Variants in LUZP2 observed in about 807,000 individuals in gnomAD.
LUZP2 encodes leucine zipper protein 2.
In LUZP2, 52 loss-of-function variants were observed where a neutral mutation model predicts 51.6. The observed-to-expected ratio is 1.01, with a 90% CI of 0.81 to 1.27. The LOEUF (loss-of-function observed/expected upper bound fraction) is 1.27, where lower values mean the gene tolerates loss of function less well. Among genes scored for constraint, LUZP2 ranks in the 50% most tolerant of loss-of-function variants. The probability of loss-of-function intolerance (pLI) is 0.00; values close to 1 mark genes in which losing one functional copy is unlikely to be tolerated. For synonymous variants in LUZP2, 154 were observed against 137.3 expected (o/e 1.12, Z -0.85); for missense variants, 436 against 395.4 (o/e 1.10, Z -0.87).
intron 1 of LUZP2, among the ~76,000 whole-genome samples, chr11:24,616,705 G>A (rs1225094294): frequency 1.3e-5 from 2 of 152,088 alleles, no homozygotes; most frequent in Non-Finnish European, 2.9e-5. Context: ...TTATTACGTA[G>A]CTGTATATTA....
chr11:24,652,959 A>G (rs892043535), intron 1 of LUZP2, among the ~76,000 whole-genome samples: 1 of 152,196 alleles, frequency 6.6e-6, no homozygotes, highest in African/African-American at 2.4e-5. Context: ...TACAATAGAA[A>G]TACATGTTTA....
chr11:24,849,897 A>G (rs1370723417), intron 5 of LUZP2, among the ~76,000 whole-genome samples: 1 of 152,090 alleles, frequency 6.6e-6, no homozygotes, highest in Non-Finnish European at 1.5e-5. Flanking sequence ...CTTTTTCTTC[A>G]TACATTTGTT....
intron 1 of LUZP2, among the ~76,000 whole-genome samples, chr11:24,498,786 A>G (rs1849905500): frequency 1.3e-5 from 2 of 152,244 alleles, no homozygotes; most frequent in African/African-American, 4.8e-5. Context: ...TTCTAGAGAA[A>G]GGAAATTTTC....
intron 1 of LUZP2, among the ~76,000 whole-genome samples, chr11:24,688,528 C>G (rs921785802): frequency 2.0e-5 from 3 of 152,102 alleles, no homozygotes; most frequent in African/African-American, 7.2e-5. Context: ...ACAAGTAGAT[C>G]TCTGTCATAA....
At chr11:24,857,032 C>G (rs1851587217) in intron 5 of LUZP2, among the ~76,000 whole-genome samples, 2 of 151,822 alleles carry the variant, frequency 1.3e-5, no homozygotes, top group South Asian at 4.1e-4. Flanking sequence ...CTAGACCTCA[C>G]CACTATGCAA....
At chr11:24,723,397 T>A (rs1858352833) in intron 1 of LUZP2, among the ~76,000 whole-genome samples, 1 of 152,236 alleles carries the variant, frequency 6.6e-6, no homozygotes, top group Non-Finnish European at 1.5e-5. Flanking sequence ...TGTTTATATG[T>A]TAACCACAAA....
intron 1 of LUZP2, among the ~76,000 whole-genome samples, chr11:24,602,039 T>G (rs902234113): frequency 2.3e-4 from 33 of 143,870 alleles, no homozygotes; most frequent in Non-Finnish European, 4.5e-5. Context: ...TATATGTATA[T>G]CTGTATATAT....
intron 7 of LUZP2, among the ~76,000 whole-genome samples, chr11:24,928,671 G>A (rs1854351197): frequency 6.6e-6 from 1 of 151,998 alleles, no homozygotes; most frequent in Non-Finnish European, 1.5e-5. Context: ...GTTCATCAAG[G>A]ATTTTGGTGT....
intron 5 of LUZP2, among the ~76,000 whole-genome samples, chr11:24,789,152 T>C (rs1383761199): frequency 6.6e-6 from 1 of 152,202 alleles, no homozygotes; most frequent in African/African-American, 2.4e-5. Flanking sequence ...ATTAGTACGC[T>C]CTATGGACAA....
chr11:24,591,913 G>A (rs888615587), intron 1 of LUZP2, among the ~76,000 whole-genome samples: 1 of 116,190 alleles, frequency 8.6e-6, no homozygotes, highest in African/African-American at 3.1e-5. Flanking sequence ...AAGGTATATT[G>A]TCCTTTAATT....
intron 5 of LUZP2, among the ~76,000 whole-genome samples, chr11:24,772,441 T>C (rs1228145968): frequency 6.6e-6 from 1 of 152,214 alleles, no homozygotes; most frequent in Non-Finnish European, 1.5e-5. Flanking sequence ...TTGAGTCGAA[T>C]ATTTACTGAG....
chr11:24,865,025 A>G (rs1013546158), intron 5 of LUZP2, among the ~76,000 whole-genome samples: 3 of 152,180 alleles, frequency 2.0e-5, no homozygotes, highest in Non-Finnish European at 4.4e-5. Flanking sequence ...CTCTTATTCT[A>G]CGTTTATTAC....
intron 2 of LUZP2, among the ~76,000 whole-genome samples, chr11:24,730,522 A>G (rs1858675680): frequency 6.6e-6 from 1 of 151,824 alleles, no homozygotes; most frequent in Non-Finnish European, 1.5e-5. Flanking sequence ...GGGAAAACTC[A>G]CAAGGATGAA....
intron 5 of LUZP2, among the ~76,000 whole-genome samples, chr11:24,881,931 A>G (rs966952940): frequency 3.0e-4 from 46 of 152,026 alleles, no homozygotes; most frequent in South Asian, 1.7e-3. Flanking sequence ...TTGTTTTATT[A>G]TAGCAAACAA....
chr11:24,698,207 T>G (rs764470649), intron 1 of LUZP2, among the ~76,000 whole-genome samples: 4 of 152,328 alleles, frequency 2.6e-5, no homozygotes, highest in Non-Finnish European at 5.9e-5. Context: ...GAAGAACCAC[T>G]GGGCTGTAAA....
rs141101733 is a variant in LUZP2 at position 24,950,543 on chromosome 11, C to T, written c.523-26048C>T. On this transcript the variant is annotated intron_variant, in intron 7 of 11. Transcript: ENST00000336930. ...TTATGAGGCATGCAACCTCTCTAAC[C>T]GTAAGGATAAGCTAGTGACATGTGA... 4.6e-5 allele frequency among the ~76,000 whole-genome samples: 7 copies of T among 151,392 alleles called. No homozygotes were observed. The East Asian group carries it at 5.8e-4, about 13-fold the overall frequency.
At chr11:24,944,299 G>A (rs1350910500) in intron 7 of LUZP2, among the ~76,000 whole-genome samples, 2 of 152,138 alleles carry the variant, frequency 1.3e-5, no homozygotes, top group Non-Finnish European at 2.9e-5. Context: ...ACCAACCTCA[G>A]TATTCAGATG....
At chr11:24,921,402 A>G (rs1854049103) in intron 7 of LUZP2, among the ~76,000 whole-genome samples, 1 of 152,082 alleles carries the variant, frequency 6.6e-6, no homozygotes, top group Non-Finnish European at 1.5e-5. Context: ...GAGGGTCGCC[A>G]TGATGTTCTG....
chr11:25,077,459 G>GTATT (rs1014759919), intron 11 of LUZP2, 53 bp downstream of exon 11: 4 of 792,622 alleles, frequency 5.0e-6, no homozygotes, highest in Non-Finnish European at 3.7e-6. Context: ...TGGATCCATT[G>GTATT]TATTTATTTA....
Sources: allele counts gnomAD v4.1 joint callset (sites outside exome capture counted in the v4.1 genomes callset), GRCh38; gene constraint gnomAD v4.1.1; transcripts MANE v1.5; gene names NCBI Gene and HGNC (gene_info 2026-07-23, HGNC 2026-07-21).